ANK1: variants seen among roughly 807,000 people sequenced by gnomAD.
ANK1 encodes the protein ankyrin-1.
A neutral mutation model predicts 210.4 loss-of-function variants in ANK1; 51 were observed. The ratio of observed to expected loss-of-function variants is 0.24; its 90% confidence interval spans 0.19 to 0.31. The LOEUF (loss-of-function observed/expected upper bound fraction) is 0.31. ANK1 is among the 10% of genes least tolerant of loss of function. The pLI is 1.00. For missense variants in ANK1, 2,051 were observed against 2,504.4 expected (o/e 0.82, Z 3.86); for synonymous variants, 967 against 1,025.9 (o/e 0.94, Z 1.10).
chr8:41,862,078 G>A (rs1432197478), intron 1 of ANK1, among the ~76,000 whole-genome samples: 1 of 152,140 alleles, frequency 6.6e-6, no homozygotes, highest in Admixed American at 6.5e-5. Context: ...CAAAATTTCG[G>A]GGAAATTGGC....
intron 1 of ANK1, among the ~76,000 whole-genome samples, chr8:41,860,416 A>G (rs1204912241): frequency 6.6e-6 from 1 of 152,210 alleles, no homozygotes; most frequent in African/African-American, 2.4e-5. Context: ...CAAACAGTCA[A>G]GGCCAGATCT....
intron 1 of ANK1, among the ~76,000 whole-genome samples, chr8:41,895,409 G>T (rs1467385853): frequency 6.6e-6 from 1 of 152,152 alleles, no homozygotes; most frequent in African/African-American, 2.4e-5. Flanking sequence ...CCTGACTTCT[G>T]TCACCGTCCT....
At chr8:41,886,434 A>G (rs1367588623) in intron 1 of ANK1, among the ~76,000 whole-genome samples, 1 of 152,184 alleles carries the variant, frequency 6.6e-6, no homozygotes, top group African/African-American at 2.4e-5. Context: ...GCCAGTAAAC[A>G]TCTGACTCCA....
intron 2 of ANK1, among the ~76,000 whole-genome samples, chr8:41,757,726 C>T (rs1839486928): frequency 1.3e-5 from 2 of 152,272 alleles, no homozygotes; most frequent in Non-Finnish European, 2.9e-5. Context: ...GGCTCTTCCT[C>T]CTGCCCCAAT....
intron 9 of ANK1, among the ~76,000 whole-genome samples, chr8:41,721,656 C>CAAAAAAAAAAAAAAAAAAAAAAAAAAAA (rs55653901): frequency 9.2e-6 from 1 of 108,130 alleles, no homozygotes; most frequent in Non-Finnish European, 1.9e-5. Flanking sequence ...GACTTCATCT[C>CAAAAAAAAAAAAAAAAAAAAAAAAAAAA]AAAAAAAAAA....
intron 42 of ANK1, among the ~76,000 whole-genome samples, chr8:41,659,576 C>A (rs571574331): frequency 6.6e-6 from 1 of 152,164 alleles, no homozygotes. Flanking sequence ...GGCCCTCAAC[C>A]GTCTTCTCTG....
At chr8:41,799,757 T>C (rs1370779779), upstream of ANK1, among the ~76,000 whole-genome samples, 2 of 151,924 alleles carry the variant, frequency 1.3e-5, no homozygotes, top group Non-Finnish European at 2.9e-5. Context: ...AACACAAGGC[T>C]CCTCTCCCTT....
chr8:41,771,595 T>C (rs533577346), intron 1 of ANK1, among the ~76,000 whole-genome samples: 89 of 152,360 alleles, frequency 5.8e-4, no homozygotes, highest in Non-Finnish European at 9.6e-4. Context: ...GCCACTGTTC[T>C]AGCCTGTAGC....
At chr8:41,671,724 G>A (rs1247782645) in intron 38 of ANK1, among the ~76,000 whole-genome samples, 2 of 125,616 alleles carry the variant, frequency 1.6e-5, no homozygotes, top group South Asian at 2.8e-4. Context: ...CCGGCGCCCC[G>A]ATGTCCTAAG....
rs748335103 is a variant in ANK1 at position 41,758,092 on chromosome 8, A to G, written c.73T>C (p.Leu25=). The change falls in exon 2 of 43, where the codon TTG becomes CTG. Residue 25 remains leucine (L), a synonymous_variant. Transcript: ENST00000289734. ...CGCAGGTGATCCAAAGCTTTGTCCA[A>G]GTTACCTGATCTTGCTGCTCTCAGA... The part of the protein sequence containing the change: ...SFLRAARSGN[L]DKALDHLRNG... 2 of 1,614,150 alleles carry G rather than the reference A, an allele frequency of 1.2e-6. No individual in the cohort carries two copies. The highest frequency in any genetic ancestry group is 2.2e-5 in the East Asian group (1 of 44,886).
At chr8:41,659,437 G>A (rs1416748483) in intron 42 of ANK1, among the ~76,000 whole-genome samples, 1 of 152,230 alleles carries the variant, frequency 6.6e-6, no homozygotes, top group African/African-American at 2.4e-5. Flanking sequence ...AAAGCACGGT[G>A]AGTGCCAGCT....
At chr8:41,745,439 G>A (rs1434345173) in intron 2 of ANK1, among the ~76,000 whole-genome samples, 1 of 152,184 alleles carries the variant, frequency 6.6e-6, no homozygotes, top group Non-Finnish European at 1.5e-5. Flanking sequence ...AAGAACGGGC[G>A]TAGATAATGC....
At chr8:41,776,914 A>G (rs1844173888) in intron 1 of ANK1, among the ~76,000 whole-genome samples, 1 of 152,162 alleles carries the variant, frequency 6.6e-6, no homozygotes, top group South Asian at 2.1e-4. Flanking sequence ...CTTTACTACC[A>G]AGGAAACAAG....
intron 1 of ANK1, among the ~76,000 whole-genome samples, chr8:41,761,081 A>C (rs1338231923): frequency 6.6e-6 from 1 of 152,082 alleles, no homozygotes; most frequent in Non-Finnish European, 1.5e-5. Flanking sequence ...AAATTCAATG[A>C]CAAGTGTCCT....
chr8:41,751,052 A>T (rs771069916), intron 2 of ANK1, among the ~76,000 whole-genome samples: 1 of 152,182 alleles, frequency 6.6e-6, no homozygotes. Context: ...TTCAGGGGAC[A>T]CAGGCCGGCA....
chr8:41,840,617 G>A lies in ANK1; in HGVS notation c.126+55738C>T, dbSNP rs150103195. 1.1e-3 allele frequency among the ~76,000 whole-genome samples: 173 copies of A among 152,286 alleles called. 6 individuals are homozygous for A. The East Asian group carries it at 0.029, about 25-fold the overall frequency. On this transcript the variant is annotated intron_variant, in intron 1 of 42. Transcript: ENST00000265709. ...CTTCTCTCTGTGTCCTCACACTACTGAGAGGGGAAGCTCTGGTGTCTCTTC... is the reference window on the plus strand; with the variant it reads ...CTTCTCTCTGTGTCCTCACACTACTAAGAGGGGAAGCTCTGGTGTCTCTTC...
intron 1 of ANK1, chr8:41,896,302 C>T: frequency 6.4e-7 from 1 of 1,567,480 alleles, no homozygotes; most frequent in Non-Finnish European, 8.6e-7. Context: ...CTGCCCCCAG[C>T]AGCCACTTGC....
chr8:41,837,626 C>G (rs561839461), intron 1 of ANK1, among the ~76,000 whole-genome samples: 3 of 152,288 alleles, frequency 2.0e-5, no homozygotes, highest in African/African-American at 7.2e-5. Context: ...AATCCCAGCA[C>G]TTTGGGAGGC....
chr8:41,661,624 C>T (rs760585643), intron 41 of ANK1, 60 bp from the exon 42 acceptor site: 4 of 1,610,296 alleles, frequency 2.5e-6, no homozygotes, highest in Non-Finnish European at 3.4e-6. Flanking sequence ...AGAACACAGG[C>T]AGAAGATCGA....
Sources: gnomAD v4.1 joint callset for allele counts (sites outside exome capture counted in the v4.1 genomes callset) on GRCh38, gnomAD v4.1.1 for gene constraint, MANE v1.5 for transcripts, NCBI Gene and HGNC (gene_info 2026-07-23, HGNC 2026-07-21) for gene names.